The following API5 variants were observed in gnomAD, a reference collection of about 807,000 sequenced individuals.
API5 encodes the protein FIF.
API5 carries 6 observed loss-of-function variants against 71.9 expected under a neutral mutation model. The observed-to-expected ratio is 0.08, with a 90% confidence interval of 0.05 to 0.16. The LOEUF is 0.16. Ranked by LOEUF, API5 falls within the 10% of genes least tolerant of loss-of-function variation. The pLI is 1.00. For missense variants in API5, 332 were observed against 612.8 expected, an observed-to-expected ratio of 0.54 and a Z score of 4.84; for synonymous variants, 189 against 221.3, an observed-to-expected ratio of 0.85 and a Z score of 1.30.
intron 13 of API5, among the ~76,000 whole-genome samples, chr11:43,341,702 T>C (rs1405722981): frequency 6.6e-6 from 1 of 152,154 alleles, no homozygotes; most frequent in Non-Finnish European, 1.5e-5. Context: ...TACTTTAAAA[T>C]AGAAGAATAT....
chr11:43,318,475 T>G (rs1430970637), intron 1 of API5, 165 bp from the exon 2 acceptor site: 1 of 1,536,750 alleles, frequency 6.5e-7, no homozygotes, highest in Non-Finnish European at 8.7e-7. Flanking sequence ...GAGAACGGAA[T>G]TGGGAAGGTA....
chr11:43,322,701 T>C (rs1854935672), intron 5 of API5, among the ~76,000 whole-genome samples: 2 of 152,196 alleles, frequency 1.3e-5, no homozygotes, highest in Admixed American at 1.3e-4. Flanking sequence ...TACAGAAGAT[T>C]CAGCATTTTA....
chr11:43,315,246 G>A (rs895364435), intron 1 of API5, among the ~76,000 whole-genome samples: 36 of 152,166 alleles, frequency 2.4e-4, no homozygotes, highest in Non-Finnish European at 4.9e-4. Context: ...AGGTTTTATC[G>A]GCTAATTTCC....
At chr11:43,338,692 T>G (rs1297514919) in intron 13 of API5, among the ~76,000 whole-genome samples, 2 of 137,734 alleles carry the variant, frequency 1.5e-5, no homozygotes, top group Non-Finnish European at 3.2e-5. Flanking sequence ...ATAGAAAAGA[T>G]AACTACGTCA....
chr11:43,316,439 G>T (rs747512204), intron 1 of API5, among the ~76,000 whole-genome samples: 7 of 151,352 alleles, frequency 4.6e-5, no homozygotes, highest in African/African-American at 1.2e-4. Flanking sequence ...TCTTCAAATG[G>T]CTTTATGAGT....
At chr11:43,327,654 T>C (rs1165755591) in intron 7 of API5, 135 bp from the exon 8 acceptor site, 5 of 619,910 alleles carry the variant, frequency 8.1e-6, no homozygotes, top group Middle Eastern at 4.5e-4. Context: ...TCTCTAAGGT[T>C]TTCTTCCATT....
intron 13 of API5, 52 bp downstream of exon 13, chr11:43,336,046 T>A: frequency 6.3e-7 from 1 of 1,590,608 alleles, no homozygotes; most frequent in Non-Finnish European, 8.6e-7. Context: ...GCAGAAATTG[T>A]GTTATACTTT....
intron 2 of API5, among the ~76,000 whole-genome samples, chr11:43,320,168 C>T (rs1854823625): frequency 6.6e-6 from 1 of 151,328 alleles, no homozygotes; most frequent in Admixed American, 6.6e-5. Context: ...GTCTTAGCCT[C>T]CCAAGTAGCT....
chr11:43,337,122 G>A (rs1306835442), intron 13 of API5, among the ~76,000 whole-genome samples: 4 of 151,366 alleles, frequency 2.6e-5, no homozygotes, highest in East Asian at 1.9e-4. Context: ...CCAAGAGTTC[G>A]AGGCCAGCCT....
In API5 at chr11:43,343,341, G is replaced by A. The variant is rs1855685237; in HGVS notation, c.*831G>A. ...AATCCGTTATTAACTTGTTATTTAG[G>A]TTTTTACTCCCAGTAGCAAGGGATT... On this transcript the variant is annotated 3_prime_UTR_variant, in exon 14 of 14. Coordinates refer to ENST00000531273, the MANE Select transcript of API5 (RefSeq NM_001142930.2). 6.6e-6 allele frequency: 1 copy of A among 152,146 alleles called. No individual in the cohort carries two copies. The highest frequency in any genetic ancestry group is 2.4e-5 in the African/African-American group (1 of 41,386). The allele number at this position is 152,146 out of a possible 1,614,324, so 9.4% of individuals were successfully genotyped here.
chr11:43,332,671 C>G (rs1377123759), intron 11 of API5, among the ~76,000 whole-genome samples: 1 of 152,076 alleles, frequency 6.6e-6, no homozygotes, highest in Non-Finnish European at 1.5e-5. Context: ...TCCTGGAACA[C>G]CCAACCCCCC....
rs1232194785 is a variant in API5, at chr11:43,336,327, T to C, written c.1492+333T>C. On this transcript the variant is annotated intron_variant, in intron 13 of 13. Transcript: ENST00000531273. ...GTTGCAGCTTCAAGGCAAGGCATTC[T>C]GTGCATTCTCCCTCAGGGATGGGTA... is the stretch of plus-strand genomic sequence containing the variant. The C allele has an allele frequency of 3.9e-5, 14 of 356,510 alleles. No individual in the cohort carries two copies. The Admixed American group carries it at 4.7e-4, about 12-fold the overall frequency. 22.1% of individuals were successfully genotyped at this position (356,510 alleles called of 1,614,324 possible).
chr11:43,341,966 A>T (rs1402629071), intron 13 of API5, among the ~76,000 whole-genome samples: 1 of 152,008 alleles, frequency 6.6e-6, no homozygotes, highest in Non-Finnish European at 1.5e-5. Context: ...CTGGCAACAA[A>T]ATGAGGACCT....
At chr11:43,334,937 A>AG (rs1372656242) in intron 11 of API5, among the ~76,000 whole-genome samples, 2 of 152,184 alleles carry the variant, frequency 1.3e-5, no homozygotes, top group African/African-American at 4.8e-5. Flanking sequence ...TTTTCCTTAA[A>AG]GCACCATGGT....
In API5 at chr11:43,342,603, C is replaced by T. The variant is rs768608950; in HGVS notation, c.*93C>T. 7 of 1,284,304 alleles carry T rather than the reference C, an allele frequency of 5.5e-6. No individual in the cohort carries two copies. Among genetic ancestry groups the T allele is most frequent in the Non-Finnish European group, 7.8e-6 (7 of 895,414 alleles). The allele number at this position is 1,284,304 out of a possible 1,614,324, so 79.6% of individuals were successfully genotyped here. On this transcript the variant is annotated 3_prime_UTR_variant, in exon 14 of 14. Coordinates refer to ENST00000531273, the MANE Select transcript of API5 (RefSeq NM_001142930.2). Reference sequence around the variant, plus strand: ...TGCCGGGGATGTCCCTTTAAACAGACTGCTGCCTTCAGCTAAAAACTTAAT... The same window carrying T: ...TGCCGGGGATGTCCCTTTAAACAGATTGCTGCCTTCAGCTAAAAACTTAAT...
At chr11:43,324,973 CT>C (rs1855020016) in intron 6 of API5, among the ~76,000 whole-genome samples, 1 of 152,156 alleles carries the variant, frequency 6.6e-6, no homozygotes, top group Non-Finnish European at 1.5e-5. Flanking sequence ...GCCACCATGC[CT>C]GGCCATGCCC....
At chr11:43,318,983 T>G (rs1383886990) in intron 2 of API5, 182 bp downstream of exon 2, 1 of 506,546 alleles carries the variant, frequency 2.0e-6, no homozygotes, top group African/African-American at 2.0e-5. Flanking sequence ...TTTCAACACC[T>G]TTAAATTATG....
chr11:43,318,794 A>G lies in API5; in HGVS notation c.224A>G (p.Asp75Gly). The G allele has an allele frequency of 1.9e-6, 3 of 1,612,100 alleles. No individual in the cohort carries two copies. Among genetic ancestry groups the G allele is most frequent in the South Asian group, 1.1e-5 (1 of 90,998 alleles). ...CAGTTAGACCTCTGTGAGGATGAAG[A>G]TGTATCTGTAAGTTTATGAATGACA... ...NAQLDLCEDE[D>G]VSIRRQAIKE... Residue 75 changes from aspartate to glycine, a missense_variant, in exon 2 of 14, where the codon GAT (aspartate) becomes GGT (glycine). Around this residue, in one of 3 missense-constraint regions of API5, gnomAD observed 127 missense variants for 237.6 expected, o/e 0.53. Transcript: ENST00000531273.
chr11:43,340,937 CA>C (rs1855589744), intron 13 of API5, among the ~76,000 whole-genome samples: 1 of 152,150 alleles, frequency 6.6e-6, no homozygotes, highest in South Asian at 2.1e-4. Context: ...GGGATCATAT[CA>C]AATTAAAAAG....
Sources: gnomAD v4.1 joint callset for allele counts (sites outside exome capture counted in the v4.1 genomes callset) on GRCh38, gnomAD v4.1.1 for gene constraint, gnomAD v4.1.1 regional missense constraint, MANE v1.5 for transcripts, NCBI Gene and HGNC (gene_info 2026-07-23, HGNC 2026-07-21) for gene names.